Variants in SCML4 observed in about 807,000 individuals in gnomAD.
SCML4 encodes the protein Scm polycomb group protein like 4.
In SCML4, 34 loss-of-function variants were observed where a neutral mutation model predicts 41.1. The ratio of observed to expected loss-of-function variants is 0.83; its 90% CI spans 0.63 to 1.10. The LOEUF (loss-of-function observed/expected upper bound fraction) is 1.10. Ranked by LOEUF, SCML4 falls within the 50% of genes least tolerant of loss-of-function variation. The probability of loss-of-function intolerance (pLI) is 0.00; values close to 1 mark genes in which losing one functional copy is unlikely to be tolerated. For synonymous variants in SCML4, 214 were observed against 220.9 expected, an observed-to-expected ratio of 0.97 and a Z score of 0.28; for missense variants, 522 against 534.1, an observed-to-expected ratio of 0.98 and a Z score of 0.22.
At chr6:107,800,800 A>T (rs1240674864) in intron 1 of SCML4, among the ~76,000 whole-genome samples, 1 of 152,198 alleles carries the variant, frequency 6.6e-6, no homozygotes. Context: ...TGGAAGAGGA[A>T]AAAAGGACTT....
intron 1 of SCML4, among the ~76,000 whole-genome samples, chr6:107,821,209 T>A (rs1784919916): frequency 6.6e-6 from 1 of 152,200 alleles, no homozygotes; most frequent in African/African-American, 2.4e-5. Context: ...ATTTACTAGA[T>A]ACCCTGGTGG....
intron 3 of SCML4, among the ~76,000 whole-genome samples, chr6:107,748,357 A>T (rs1395981953): frequency 6.6e-6 from 1 of 152,214 alleles, no homozygotes; most frequent in Non-Finnish European, 1.5e-5. Context: ...CATTTTGGAA[A>T]GGCTAAGTAG....
chr6:107,735,683 CA>C (rs1776994344), intron 5 of SCML4, among the ~76,000 whole-genome samples: 1 of 151,690 alleles, frequency 6.6e-6, no homozygotes, highest in African/African-American at 2.4e-5. Flanking sequence ...CCTGTAATCC[CA>C]GCTACTTGGG....
At chr6:107,740,147 T>C in intron 5 of SCML4, 1 of 471,080 alleles carries the variant, frequency 2.1e-6, no homozygotes. Context: ...GAAGGAAGGC[T>C]GTCATCCTCC....
upstream of SCML4, among the ~76,000 whole-genome samples, chr6:107,828,003 C>G (rs770208370): frequency 6.6e-6 from 1 of 152,232 alleles, no homozygotes; most frequent in Non-Finnish European, 1.5e-5. Context: ...ACAGTGATAG[C>G]TAACATTTAC....
At chr6:107,782,563 C>T (rs1322050403) in intron 1 of SCML4, among the ~76,000 whole-genome samples, 1 of 152,290 alleles carries the variant, frequency 6.6e-6, no homozygotes, top group Non-Finnish European at 1.5e-5. Context: ...TTCTCCTGCT[C>T]TTCTCTGCAC....
At chr6:107,758,958 AG>A (rs1199083610) in intron 2 of SCML4, among the ~76,000 whole-genome samples, 1 of 152,096 alleles carries the variant, frequency 6.6e-6, no homozygotes, top group Non-Finnish European at 1.5e-5. Context: ...GAAACACACA[AG>A]CTAGTTTTCA....
chr6:107,736,496 CTA>C (rs896132979), intron 5 of SCML4, among the ~76,000 whole-genome samples: 1 of 152,202 alleles, frequency 6.6e-6, no homozygotes, highest in African/African-American at 2.4e-5. Context: ...CTCCCTGCTG[CTA>C]TCTTGCTGTG....
chr6:107,738,944 G>A lies in SCML4; in HGVS notation c.682+6005C>T, dbSNP rs1489035389. 2.0e-5 allele frequency among the ~76,000 whole-genome samples: 3 copies of A among 151,986 alleles called. No individual in the cohort carries two copies. The South Asian group carries it at 6.2e-4, about 32-fold the overall frequency. Reference sequence around the variant, plus strand: ...CACACATATTTGTCACCAACAATGGGGAGATCATTATCACCTACCTTCCAA... The same window carrying A: ...CACACATATTTGTCACCAACAATGGAGAGATCATTATCACCTACCTTCCAA... On this transcript the variant is annotated intron_variant, in intron 5 of 7. Coordinates refer to ENST00000369020, the MANE Select transcript of SCML4 (RefSeq NM_198081.5).
At chr6:107,829,510 G>A in the SCML4 span, among the ~76,000 whole-genome samples, 1 of 152,098 alleles carries the variant, frequency 6.6e-6, no homozygotes, top group Non-Finnish European at 1.5e-5. Context: ...CAAAATTGGT[G>A]TGAATTCTCA....
intron 1 of SCML4, among the ~76,000 whole-genome samples, chr6:107,792,593 A>G (rs1782415197): frequency 6.6e-6 from 1 of 152,058 alleles, no homozygotes; most frequent in Non-Finnish European, 1.5e-5. Context: ...TTAGCTGGGT[A>G]TGCTGGTGCA....
the SCML4 span, among the ~76,000 whole-genome samples, chr6:107,838,960 C>T: frequency 1.5e-5 from 1 of 64,646 alleles, no homozygotes; most frequent in African/African-American, 3.6e-5. Context: ...ACTATGTCCA[C>T]AACAAAAAAT....
In SCML4 at chr6:107,740,112, T is replaced by G. The variant is rs766973728; in HGVS notation, c.682+4837A>C. 38 of 470,810 alleles carry G rather than the reference T, an allele frequency of 8.1e-5. 1 individual carries two copies. Among genetic ancestry groups the G allele is most frequent in the South Asian group, 2.3e-4 (15 of 64,552 alleles). The allele number at this position is 470,810 out of a possible 1,614,324, so 29.2% of individuals were successfully genotyped here. On this transcript the variant is annotated intron_variant, in intron 5 of 7. Transcript: ENST00000369020. ...CAGCTGACTGGGAGGAAAACCAGCTTTCAGATGGGGACATCAGCTTTTAGG... is the reference window on the plus strand; with the variant it reads ...CAGCTGACTGGGAGGAAAACCAGCTGTCAGATGGGGACATCAGCTTTTAGG...
Position 107,743,707 on chromosome 6 carries a change from C to T in SCML4, c.682+1242G>A, listed in dbSNP as rs118093554. 4.3e-3 allele frequency among the ~76,000 whole-genome samples: 649 copies of T among 152,292 alleles called. 9 individuals are homozygous for T. In the East Asian group the frequency reaches 0.063, roughly 15 times the overall value. On this transcript the variant is annotated intron_variant, in intron 5 of 7. Coordinates refer to ENST00000369020, the MANE Select transcript of SCML4 (RefSeq NM_198081.5). Reference sequence around the variant, plus strand: ...CATAAAAGTAAATAGCATCTGCTCACACCAACCATATTTAATTAGGTACCT... The same window carrying T: ...CATAAAAGTAAATAGCATCTGCTCATACCAACCATATTTAATTAGGTACCT...
In SCML4 at chr6:107,780,856, G is replaced by A. The variant is rs565360600; in HGVS notation, c.-59-8470C>T. 1.7e-3 allele frequency among the ~76,000 whole-genome samples: 261 copies of A among 151,976 alleles called. 2 individuals carry two copies. Among genetic ancestry groups the A allele is most frequent in the African/African-American group, 6.0e-3 (247 of 41,430 alleles). On this transcript the variant is annotated intron_variant, in intron 1 of 7. Coordinates refer to ENST00000369020, the MANE Select transcript of SCML4 (RefSeq NM_198081.5). Reference sequence around the variant, plus strand: ...CAAAGATAATTTTGAGAATATCATCGGTGCTAAGAGGACAAAGAAGCAACT... The same window carrying A: ...CAAAGATAATTTTGAGAATATCATCAGTGCTAAGAGGACAAAGAAGCAACT...
chr6:107,728,650 C>T (rs528041169), intron 5 of SCML4, among the ~76,000 whole-genome samples: 83 of 152,208 alleles, frequency 5.5e-4, no homozygotes, highest in South Asian at 2.9e-3. Flanking sequence ...ACTACTGATG[C>T]CCGTGGGTGA....
At chr6:107,835,045 A>G in the SCML4 span, among the ~76,000 whole-genome samples, 4 of 152,142 alleles carry the variant, frequency 2.6e-5, no homozygotes, top group African/African-American at 9.7e-5. Flanking sequence ...CATCAATAAC[A>G]TAAGAATAGA....
intron 1 of SCML4, among the ~76,000 whole-genome samples, chr6:107,802,984 G>T (rs1188193655): frequency 2.0e-5 from 3 of 151,776 alleles, no homozygotes; most frequent in Admixed American, 2.0e-4. Context: ...AACCGCGAGT[G>T]ATCCGCCAGC....
At chr6:107,726,056 A>G (rs189655825) in intron 5 of SCML4, among the ~76,000 whole-genome samples, 1,674 of 142,592 alleles carry the variant, frequency 0.012, 20 homozygotes, top group Non-Finnish European at 0.016. Flanking sequence ...CAGCCTGAGC[A>G]ACGGAGCAAG....
Sources: gnomAD v4.1 joint callset for allele counts (sites outside exome capture counted in the v4.1 genomes callset) on GRCh38, gnomAD v4.1.1 for gene constraint, MANE v1.5 for transcripts, NCBI Gene and HGNC (gene_info 2026-07-23, HGNC 2026-07-21) for gene names.